KIAA1328: variants seen among roughly 807,000 people sequenced by gnomAD.
KIAA1328 encodes KIAA1328.
Under a neutral mutation model 68.1 loss-of-function variants are expected in KIAA1328, and 52 were observed. That is an observed-to-expected ratio of 0.76 (90% CI 0.61 to 0.96). KIAA1328 has a LOEUF of 0.96. Among genes scored for constraint, KIAA1328 ranks in the 40% least tolerant of loss-of-function variants. The probability of loss-of-function intolerance (pLI) is 0.00; values close to 1 mark genes in which losing one functional copy is unlikely to be tolerated. For synonymous variants in KIAA1328, 232 were observed against 239.4 expected, an observed-to-expected ratio of 0.97 and a Z score of 0.28; for missense variants, 641 against 677.6, an observed-to-expected ratio of 0.95 and a Z score of 0.60.
At chr18:36,940,014 A>G (rs1029886593) in intron 5 of KIAA1328, among the ~76,000 whole-genome samples, 2 of 63,128 alleles carry the variant, frequency 3.2e-5, no homozygotes, top group Non-Finnish European at 1.2e-4. Flanking sequence ...GAATTTTTTT[A>G]TCCATTGTGT....
intron 6 of KIAA1328, among the ~76,000 whole-genome samples, chr18:37,034,753 ATTC>A (rs1396740351): frequency 6.6e-6 from 1 of 152,182 alleles, no homozygotes; most frequent in Non-Finnish European, 1.5e-5. Flanking sequence ...GTTTCTTTGT[ATTC>A]TTGTCATAAA....
chr18:36,962,333 G>A (rs1435660469), intron 6 of KIAA1328, among the ~76,000 whole-genome samples: 1 of 152,156 alleles, frequency 6.6e-6, no homozygotes, highest in Admixed American at 6.5e-5. Flanking sequence ...AGTCCTTAAA[G>A]ACCTACAAAG....
chr18:37,199,344 A>T (rs1293517055), intron 9 of KIAA1328, among the ~76,000 whole-genome samples: 1 of 152,164 alleles, frequency 6.6e-6, no homozygotes, highest in African/African-American at 2.4e-5. Flanking sequence ...GAGAACATGA[A>T]GAATTTAGTT....
At chr18:37,079,924 T>G (rs2056892778) in intron 7 of KIAA1328, among the ~76,000 whole-genome samples, 1 of 152,072 alleles carries the variant, frequency 6.6e-6, no homozygotes, top group Non-Finnish European at 1.5e-5. Context: ...TCTAATGATT[T>G]CTAATTTTCT....
chr18:36,941,259 G>T (rs1470112983), intron 5 of KIAA1328, among the ~76,000 whole-genome samples: 1 of 152,030 alleles, frequency 6.6e-6, no homozygotes, highest in Non-Finnish European at 1.5e-5. Flanking sequence ...TTCTTATAAA[G>T]CTCTGTACCT....
At chr18:36,985,305 A>C (rs2052872076) in intron 6 of KIAA1328, among the ~76,000 whole-genome samples, 1 of 152,222 alleles carries the variant, frequency 6.6e-6, no homozygotes, top group African/African-American at 2.4e-5. Flanking sequence ...GTCTCAAAAA[A>C]TAAAGATTCA....
chr18:37,118,965 A>T (rs1407423363), intron 7 of KIAA1328, among the ~76,000 whole-genome samples: 1 of 152,160 alleles, frequency 6.6e-6, no homozygotes, highest in Non-Finnish European at 1.5e-5. Context: ...AAGACATTTC[A>T]CCATTTTCTC....
At chr18:37,097,044 A>G (rs1460245901) in intron 7 of KIAA1328, among the ~76,000 whole-genome samples, 2 of 152,084 alleles carry the variant, frequency 1.3e-5, no homozygotes, top group Admixed American at 6.5e-5. Context: ...CTCTGATGGT[A>G]GTTTCTTTTG....
At chr18:36,851,170 A>G (rs975219915) in intron 4 of KIAA1328, among the ~76,000 whole-genome samples, 6 of 152,148 alleles carry the variant, frequency 3.9e-5, no homozygotes, top group African/African-American at 1.4e-4. Context: ...CCAATTGGTT[A>G]TGTTATAAAA....
At chr18:37,063,543 G>T (rs2056232598) in intron 6 of KIAA1328, 4 of 604,044 alleles carry the variant, frequency 6.6e-6, no homozygotes, top group Non-Finnish European at 4.2e-6. Flanking sequence ...CTCAAGGAAA[G>T]AAGATAATAA....
At chr18:37,099,025 G>T (rs1244869068) in intron 7 of KIAA1328, among the ~76,000 whole-genome samples, 2 of 152,002 alleles carry the variant, frequency 1.3e-5, no homozygotes, top group Non-Finnish European at 2.9e-5. Flanking sequence ...CAAAAAAACG[G>T]CTCCTGGATT....
chr18:36,958,245 G>T (rs1178110453), intron 5 of KIAA1328, among the ~76,000 whole-genome samples: 2 of 152,056 alleles, frequency 1.3e-5, no homozygotes, highest in Non-Finnish European at 2.9e-5. Context: ...TAGGAATAAT[G>T]CCATGTTGAA....
intron 6 of KIAA1328, among the ~76,000 whole-genome samples, chr18:36,970,816 G>A (rs530017484): frequency 1.3e-5 from 2 of 152,212 alleles, no homozygotes; most frequent in East Asian, 1.9e-4. Context: ...CAAAGAAATG[G>A]GAAAACATTC....
intron 7 of KIAA1328, among the ~76,000 whole-genome samples, chr18:37,158,680 G>A (rs191625397): frequency 6.6e-6 from 1 of 152,248 alleles, no homozygotes. Context: ...GAAATTAGAA[G>A]CCAAGTTTCC....
chr18:37,003,497 A>T (rs1012313636), intron 6 of KIAA1328, among the ~76,000 whole-genome samples: 1 of 152,044 alleles, frequency 6.6e-6, no homozygotes, highest in Non-Finnish European at 1.5e-5. Flanking sequence ...CAGGAAAAAA[A>T]CTTGTATTAG....
intron 7 of KIAA1328, among the ~76,000 whole-genome samples, chr18:37,100,581 T>C (rs982541469): frequency 6.6e-6 from 1 of 152,144 alleles, no homozygotes; most frequent in Admixed American, 6.5e-5. Flanking sequence ...CTCTGTAGAC[T>C]CCACCTCTGG....
At chr18:37,229,736 A>G (rs2060656296), downstream of KIAA1328, 1 of 309,798 alleles carries the variant, frequency 3.2e-6, no homozygotes, top group Non-Finnish European at 6.1e-6. Context: ...AATACAAAAA[A>G]TTACCTGAGC....
Position 37,185,629 on chromosome 18 carries a change from AT to A in KIAA1328, c.1523+12550del, listed in dbSNP as rs1226666082. ...ACATAGAATAAAGTAGTTAATGGTA[AT>A]TGGCTAATGTATCTTCAGCTCAGCT... On this transcript the variant is annotated intron_variant, in intron 9 of 9. Coordinates refer to ENST00000280020, the MANE Select transcript of KIAA1328 (RefSeq NM_020776.3). Among the ~76,000 whole-genome samples the A allele has an allele frequency of 7.9e-5, 12 of 152,156 alleles. No homozygotes were observed. The East Asian group carries it at 2.3e-3, about 29-fold the overall frequency.
chr18:37,110,592 A>G (rs1163854009), intron 7 of KIAA1328, among the ~76,000 whole-genome samples: 1 of 152,160 alleles, frequency 6.6e-6, no homozygotes, highest in Non-Finnish European at 1.5e-5. Context: ...CTTTACATTG[A>G]TTTTGGGATT....
Sources: allele counts gnomAD v4.1 joint callset (sites outside exome capture counted in the v4.1 genomes callset), GRCh38; gene constraint gnomAD v4.1.1; transcripts MANE v1.5; gene names NCBI Gene and HGNC (gene_info 2026-07-23, HGNC 2026-07-21).